PBRM1: variants seen among roughly 807,000 people sequenced by gnomAD.
PBRM1 encodes the protein polybromo 1.
Under a neutral mutation model 194.5 loss-of-function variants are expected in PBRM1, and 27 were observed. The ratio of observed to expected loss-of-function variants is 0.14; its 90% CI spans 0.10 to 0.19. PBRM1 has a LOEUF of 0.19. Ranked by LOEUF, PBRM1 falls within the 10% of genes least tolerant of loss-of-function variation. The probability of loss-of-function intolerance (pLI) is 1.00; values close to 1 mark genes in which losing one functional copy is unlikely to be tolerated. For synonymous variants in PBRM1, 655 were observed against 693.2 expected, an observed-to-expected ratio of 0.94 and a Z score of 0.87; for missense variants, 1,466 against 2,077.2, an observed-to-expected ratio of 0.71 and a Z score of 5.72.
chr3:52,562,196 G>A (rs1017754849), intron 24 of PBRM1, among the ~76,000 whole-genome samples: 11 of 151,798 alleles, frequency 7.2e-5, no homozygotes, highest in Non-Finnish European at 1.0e-4. Flanking sequence ...GCGTGGTGGC[G>A]GGCGCCTGTA....
At chr3:52,580,629 G>T (rs185095934) in intron 20 of PBRM1, among the ~76,000 whole-genome samples, 39 of 152,180 alleles carry the variant, frequency 2.6e-4, no homozygotes, top group Non-Finnish European at 4.9e-4. Context: ...CCCAAAGTGC[G>T]GGGATTACAG....
intron 16 of PBRM1, among the ~76,000 whole-genome samples, chr3:52,605,320 T>G (rs976295824): frequency 6.6e-6 from 1 of 152,086 alleles, no homozygotes; most frequent in East Asian, 1.9e-4. Flanking sequence ...AGTGCTTAAA[T>G]TACAGATGTG....
At chr3:52,554,907 T>C in intron 26 of PBRM1, 28 bp from the exon 29 acceptor site, 1 of 1,598,518 alleles carries the variant, frequency 6.3e-7, no homozygotes, top group Non-Finnish European at 8.5e-7. Context: ...ATTTCAGACA[T>C]GCATCATTAA....
In PBRM1 at chr3:52,632,746, T is replaced by G. The variant is rs183167042; in HGVS notation, c.1301+1856A>C. Among the ~76,000 whole-genome samples, 822 of 150,614 alleles carry G rather than the reference T, an allele frequency of 5.5e-3. 1 individual carries two copies. The highest frequency in any genetic ancestry group is 8.7e-3 in the Non-Finnish European group (587 of 67,760). On this transcript the variant is annotated intron_variant, in intron 11 of 29. Coordinates refer to ENST00000296302, the Ensembl canonical transcript of PBRM1. ...CTCTGTCACCCAGGCTGGAGTGCAGTGGTGCGACCTAGACTCACTGCAATG... is the reference window on the plus strand; with the variant it reads ...CTCTGTCACCCAGGCTGGAGTGCAGGGGTGCGACCTAGACTCACTGCAATG...
chr3:52,647,044 T>C (rs1365021924), intron 7 of PBRM1, among the ~76,000 whole-genome samples: 1 of 151,976 alleles, frequency 6.6e-6, no homozygotes, highest in Admixed American at 6.6e-5. Context: ...TAAAGAACTC[T>C]TACAACTCAA....
At chr3:52,548,803 CAT>C (rs1286156132) in intron 29 of PBRM1, among the ~76,000 whole-genome samples, 7 of 152,008 alleles carry the variant, frequency 4.6e-5, no homozygotes, top group East Asian at 1.9e-4. Context: ...AAAAGGTAAA[CAT>C]GTGAAGAAAG....
exon 30 of PBRM1, chr3:52,548,166 T>C (rs1457817627): frequency 2.5e-6 from 4 of 1,611,398 alleles, no homozygotes; most frequent in Middle Eastern, 3.3e-4. Flanking sequence ...GTGGGCCCCT[T>C]TGCTTTTCAG....
At chr3:52,571,626 C>CAAAAAAA (rs778993265) in intron 22 of PBRM1, among the ~76,000 whole-genome samples, 1 of 38,708 alleles carries the variant, frequency 2.6e-5, no homozygotes, top group Non-Finnish European at 4.4e-5. Context: ...AACTCCATCT[C>CAAAAAAA]AAAAAAAAAA....
intron 15 of PBRM1, among the ~76,000 whole-genome samples, chr3:52,610,300 A>G (rs573543715): frequency 7.9e-5 from 12 of 152,218 alleles, no homozygotes; most frequent in Non-Finnish European, 1.5e-4. Flanking sequence ...AAAACGTAGG[A>G]CATTAATAAT....
chr3:52,560,338 C>T (rs2083216792), intron 25 of PBRM1, among the ~76,000 whole-genome samples: 1 of 152,208 alleles, frequency 6.6e-6, no homozygotes, highest in African/African-American at 2.4e-5. Context: ...TCCTCCAGCT[C>T]AGTGGTGTAG....
intron 17 of PBRM1, among the ~76,000 whole-genome samples, chr3:52,597,617 G>A (rs192698576): frequency 5.1e-4 from 77 of 152,118 alleles, no homozygotes; most frequent in Admixed American, 4.3e-3. Context: ...TCAGGGTACT[G>A]GCACCATCAC....
rs540620218 is a variant in PBRM1 at position 52,587,262 on chromosome 3, T to A, written c.3123+91A>T. 8.7e-5 allele frequency: 84 copies of A among 966,022 alleles called. 1 individual carries two copies. In the Middle Eastern group the frequency reaches 2.2e-3, roughly 26 times the overall value. The allele number at this position is 966,022 out of a possible 1,614,324, so 59.8% of individuals were successfully genotyped here. A position where few individuals can be genotyped will look rare whatever the true frequency, so the allele number is the denominator to read the frequency against. ...CTTAAAAAATAGCTTAAAACAGAGT[T>A]CCTAATTTTGTAAACATCGATTATT... is the stretch of plus-strand genomic sequence containing the variant. On this transcript the variant is annotated intron_variant, in intron 19 of 29. Coordinates refer to ENST00000296302, the Ensembl canonical transcript of PBRM1.
chr3:52,579,575 G>GCGACAGAGCA (rs1009080019), intron 20 of PBRM1, among the ~76,000 whole-genome samples: 1 of 152,052 alleles, frequency 6.6e-6, no homozygotes, highest in African/African-American at 2.4e-5. Context: ...TCCAGCCTGG[G>GCGACAGAGCA]CGACAGAGCA....
intron 22 of PBRM1, among the ~76,000 whole-genome samples, chr3:52,576,014 G>C (rs1454010355): frequency 6.6e-6 from 1 of 152,034 alleles, no homozygotes; most frequent in Non-Finnish European, 1.5e-5. Flanking sequence ...CTGAAGACAG[G>C]CCATTTGAAG....
chr3:52,617,666 T>A, intron 13 of PBRM1, 128 bp from the exon 16 acceptor site: 1 of 681,300 alleles, frequency 1.5e-6, no homozygotes, highest in East Asian at 2.8e-5. Flanking sequence ...TGATTACATA[T>A]GCCACAAACA....
At chr3:52,560,946 C>T (rs917334118) in intron 25 of PBRM1, among the ~76,000 whole-genome samples, 2 of 151,482 alleles carry the variant, frequency 1.3e-5, no homozygotes, top group African/African-American at 4.9e-5. Context: ...AGTGGTTGAC[C>T]ATTGTAGAGA....
chr3:52,598,195 T>C (rs983892464), intron 17 of PBRM1, among the ~76,000 whole-genome samples: 3 of 152,236 alleles, frequency 2.0e-5, no homozygotes, highest in Non-Finnish European at 4.4e-5. Context: ...TAGTAAAACA[T>C]ATAATACAAA....
intron 17 of PBRM1, among the ~76,000 whole-genome samples, chr3:52,596,436 C>CAAAAAAAAAAAAAAAAAAAA (rs763007814): frequency 1.8e-4 from 9 of 50,370 alleles, no homozygotes; most frequent in African/African-American, 3.3e-4. Flanking sequence ...GACTCCGTCT[C>CAAAAAAAAAAAAAAAAAAAA]AAAAAAAAAA....
At chr3:52,565,284 T>C (rs962460938) in intron 22 of PBRM1, among the ~76,000 whole-genome samples, 7 of 151,248 alleles carry the variant, frequency 4.6e-5, no homozygotes, top group Non-Finnish European at 1.0e-4. Context: ...GGAGGGTGGA[T>C]CACCTGAGGT....
Sources: allele counts gnomAD v4.1 joint callset (sites outside exome capture counted in the v4.1 genomes callset), GRCh38; gene constraint gnomAD v4.1.1; transcripts MANE v1.5; gene names NCBI Gene and HGNC (gene_info 2026-07-23, HGNC 2026-07-21).